Variants in MGAT2 observed in about 807,000 individuals in gnomAD.
MGAT2 encodes alpha-1,6-mannosyl-glycoprotein 2-beta-N-acetylglucosaminyltransferase.
A neutral mutation model predicts 33.8 loss-of-function variants in MGAT2; 17 were observed. The observed-to-expected ratio is 0.50, with a 90% CI of 0.34 to 0.76. The LOEUF (loss-of-function observed/expected upper bound fraction) is 0.76, where lower values mean the gene tolerates loss of function less well. Ranked by LOEUF, MGAT2 falls within the 30% of genes least tolerant of loss-of-function variation. The pLI is 0.01. For synonymous variants in MGAT2, 248 were observed against 226.7 expected (o/e 1.09, Z -0.84); for missense variants, 529 against 553.9 (o/e 0.96, Z 0.45).
In MGAT2 at chr14:49,622,690, T is replaced by G. The variant is rs1364030113; in HGVS notation, c.*78T>G. 6.9e-7 allele frequency: 1 copy of G among 1,453,958 alleles called. No homozygotes were observed. The highest frequency in any genetic ancestry group is 9.2e-7 in the Non-Finnish European group (1 of 1,086,308). The allele number at this position is 1,453,958 out of a possible 1,614,324, so 90.1% of individuals were successfully genotyped here. A position where few individuals can be genotyped will look rare whatever the true frequency, so the allele number is the denominator to read the frequency against. ...GGACATACAATTGAATAAAAGAGTT[T>G]AGGAACTGGTTTCTGCTTTAATACA... On this transcript the variant is annotated 3_prime_UTR_variant, in exon 1 of 1. Coordinates refer to ENST00000305386, the MANE Select transcript of MGAT2 (RefSeq NM_002408.4).
In MGAT2 at chr14:49,621,400, C is replaced by A. The variant is rs757887234; in HGVS notation, c.132C>A (p.Ala44=). 6.2e-7 allele frequency: 1 copy of A among 1,608,806 alleles called. No homozygotes were observed. Among genetic ancestry groups the A allele is most frequent in the Non-Finnish European group, 8.5e-7 (1 of 1,177,226 alleles). Residue 44 remains alanine (A), a synonymous_variant, in exon 1 of 1, where the codon GCC becomes GCA. Transcript: ENST00000305386. This position sits in a 1 kb window ranked among gnomAD's most constrained non-coding sequence, Gnocchi z 4.6. ...NEALAPPLLD[A]EPARGAGGRG... ...CCCTCGCCCCACCGTTGCTGGACGC[C>A]GAACCCGCGCGGGGTGCCGGCGGCC...
Position 49,623,248 on chromosome 14 carries a change from A to T in MGAT2, c.*636A>T, listed in dbSNP as rs2139568192. On this transcript the variant is annotated 3_prime_UTR_variant, in exon 1 of 1. Coordinates refer to ENST00000305386, the MANE Select transcript of MGAT2 (RefSeq NM_002408.4). ...AAAGTTTAAACATTGTTTTCACCTC[A>T]ATGTAGAAATACAGTGGTTTTGTTT... The T allele has an allele frequency of 6.0e-6, 1 of 166,612 alleles. No homozygotes were observed. The highest frequency in any genetic ancestry group is 1.9e-4 in the East Asian group (1 of 5,194). The allele number at this position is 166,612 out of a possible 1,614,324, so 10.3% of individuals were successfully genotyped here.
In MGAT2 at chr14:49,621,110, A is replaced by G; in HGVS notation, c.-159A>G. On this transcript the variant is annotated 5_prime_UTR_variant, in exon 1 of 1. Transcript: ENST00000305386. This position sits in a 1 kb window ranked among gnomAD's most constrained non-coding sequence, Gnocchi z 4.6. ...GGGTAAATGAGAGGTCTCGGGCCCC[A>G]GGACCCCCGGGGCCCGGGATGAGTT... The G allele has an allele frequency of 9.3e-7, 1 of 1,074,202 alleles. No individual in the cohort carries two copies. Among genetic ancestry groups the G allele is most frequent in the Non-Finnish European group, 1.4e-6 (1 of 730,520 alleles). The allele number at this position is 1,074,202 out of a possible 1,614,324, so 66.5% of individuals were successfully genotyped here.
chr14:49,622,092 T>C lies in MGAT2; in HGVS notation c.824T>C (p.Met275Thr), dbSNP rs1434819081. 6.2e-7 allele frequency: 1 copy of C among 1,614,074 alleles called. No homozygotes were observed. Among genetic ancestry groups the C allele is most frequent in the Non-Finnish European group, 8.5e-7 (1 of 1,180,044 alleles). The change falls in exon 1 of 1, where the codon ATG becomes ACG. Residue 275 changes from methionine (M) to threonine (T), a missense_variant. Physicochemically the swap from Met to Thr is moderately conservative, Grantham distance 81. Around this residue, in one of 2 missense-constraint regions of MGAT2, gnomAD observed 501 missense variants for 501.1 expected, o/e 1.00. Coordinates refer to ENST00000305386, the MANE Select transcript of MGAT2 (RefSeq NM_002408.4). ...GACTTTTACCATGTCTTCAAAAAGA[T>C]GTGGAAACTGAAGCAGCAAGAGTGC... ...APDFYHVFKK[M>T]WKLKQQECPE...
rs1396307394 is a variant in MGAT2, at chr14:49,621,060, G to A, written c.-209G>A. On this transcript the variant is annotated 5_prime_UTR_variant, in exon 1 of 1. Coordinates refer to ENST00000305386, the MANE Select transcript of MGAT2 (RefSeq NM_002408.4). This position sits in a 1 kb window ranked among gnomAD's most constrained non-coding sequence, Gnocchi z 4.6. ...TGCTCGAGCTGTAGCTGCCAGGCGA[G>A]GATGTGTGGAGCGCAGGCGGCGCGG... The A allele has an allele frequency of 1.3e-6, 1 of 747,404 alleles. No homozygotes were observed. The highest frequency in any genetic ancestry group is 2.3e-6 in the Non-Finnish European group (1 of 426,950). The allele number at this position is 747,404 out of a possible 1,614,324, so 46.3% of individuals were successfully genotyped here.
rs760966736 is a variant in MGAT2, at chr14:49,622,221, AT to A, written c.954del (p.Asn318LysfsTer4). 1 of 1,614,192 alleles carries A rather than the reference AT, an allele frequency of 6.2e-7. No homozygotes were observed. Among genetic ancestry groups the A allele is most frequent in the Non-Finnish European group, 8.5e-7 (1 of 1,180,042 alleles). On this transcript the variant is annotated frameshift_variant, in exon 1 of 1. Coordinates refer to ENST00000305386, the MANE Select transcript of MGAT2 (RefSeq NM_002408.4). LOFTEE classifies it high-confidence loss of function. ...AAAACTTGGAAATCCACAGAGCACAATATGGGTCTAGCCTTGACCCGGAATG... is the reference window on the plus strand; with the variant it reads ...AAAACTTGGAAATCCACAGAGCACAAATGGGTCTAGCCTTGACCCGGAATG... ...DVKTWKSTEH[N>X]MGLALTRNAY...
rs1882892778 is a variant in MGAT2 at position 49,622,768 on chromosome 14, T to C, written c.*156T>C. On this transcript the variant is annotated 3_prime_UTR_variant, in exon 1 of 1. Coordinates refer to ENST00000305386, the MANE Select transcript of MGAT2 (RefSeq NM_002408.4). ...AATACATAGTAATCTTTTCCAGTTA[T>C]GTCTGATTAAGATTTAAAACTGAAG... 1.3e-5 allele frequency: 9 copies of C among 677,650 alleles called. No homozygotes were observed. The highest frequency in any genetic ancestry group is 1.8e-5 in the African/African-American group (1 of 54,498). 42.0% of individuals were successfully genotyped at this position (677,650 alleles called of 1,614,324 possible).
At position 49,621,814 on chromosome 14, in the gene MGAT2, G is replaced by C. The variant is rs780633686; in HGVS notation, c.546G>C (p.Gln182His). 6.8e-6 allele frequency: 11 copies of C among 1,614,040 alleles called. No individual in the cohort carries two copies. The highest frequency in any genetic ancestry group is 9.3e-6 in the Non-Finnish European group (11 of 1,180,048). The change falls in exon 1 of 1, where the codon CAG becomes CAC. Residue 182 changes from glutamine (Q) to histidine (H), a missense_variant. Gln to His is a conservative substitution (Grantham distance 24). Transcript: ENST00000305386. The surrounding 1 kb of genome is among the most constrained non-coding windows in gnomAD (Gnocchi z 4.6). ...AGGTGTTCTTTCCTTTCAGCATTCA[G>C]TTGTACCCTAACGAGTTTCCAGGTA... is the stretch of plus-strand genomic sequence containing the variant. ...VLQVFFPFSI[Q>H]LYPNEFPGSD...
rs370159190 is a variant in MGAT2, at chr14:49,621,651, C to T, written c.383C>T (p.Pro128Leu). ...LVLVVQVHNR[P>L]EYLRLLLDSL... ...CTGGTGGTCCAGGTGCATAACCGGC[C>T]CGAATACCTCAGACTGCTGCTGGAC... is the stretch of plus-strand genomic sequence containing the variant. The change falls in exon 1 of 1, where the codon CCC becomes CTC. Residue 128 changes from proline to leucine, a missense_variant. Pro to Leu is a moderately conservative substitution (Grantham distance 98). Transcript: ENST00000305386. The surrounding 1 kb of genome is among the most constrained non-coding windows in gnomAD (Gnocchi z 4.6). The T allele has an allele frequency of 6.2e-7, 1 of 1,614,166 alleles. No homozygotes were observed. Among genetic ancestry groups the T allele is most frequent in the Non-Finnish European group, 8.5e-7 (1 of 1,180,016 alleles).
Position 49,623,258 on chromosome 14 carries a change from TAC to T in MGAT2, c.*648_*649del, listed in dbSNP as rs1417213782. The T allele has an allele frequency of 1.2e-5, 2 of 166,728 alleles. No individual in the cohort carries two copies. The highest frequency in any genetic ancestry group is 2.1e-4 in the South Asian group (1 of 4,838). The allele number at this position is 166,728 out of a possible 1,614,324, so 10.3% of individuals were successfully genotyped here. On this transcript the variant is annotated 3_prime_UTR_variant, in exon 1 of 1. Coordinates refer to ENST00000305386, the MANE Select transcript of MGAT2 (RefSeq NM_002408.4). ...CATTGTTTTCACCTCAATGTAGAAA[TAC>T]AGTGGTTTTGTTTTTTTTTTTCTTT...
At position 49,622,346 on chromosome 14, in the gene MGAT2, A is replaced by G. The variant is rs200321871; in HGVS notation, c.1078A>G (p.Lys360Glu). 6.2e-7 allele frequency: 1 copy of G among 1,614,162 alleles called. No homozygotes were observed. The highest frequency in any genetic ancestry group is 8.5e-7 in the Non-Finnish European group (1 of 1,180,036). Residue 360 changes from lysine to glutamate, a missense_variant, in exon 1 of 1, where the codon AAA (lysine) becomes GAA (glutamate). Lys to Glu is a moderately conservative substitution (Grantham distance 56, BLOSUM62 1). This residue lies in a region of MGAT2 where 501 missense variants were observed against 501.1 expected (regional missense o/e 1.00). Coordinates refer to ENST00000305386, the MANE Select transcript of MGAT2 (RefSeq NM_002408.4). ...ATACTTGACTGTATCTTGTCTTCCA[A>G]AATTCTGGAAAGTGCTGGTTCCTCA... ...LQYLTVSCLP[K>E]FWKVLVPQIP...
rs762760581 is a variant in MGAT2, at chr14:49,620,844, C to G, written c.-425C>G. 1.3e-5 allele frequency: 8 copies of G among 635,552 alleles called. No individual in the cohort carries two copies. The highest frequency in any genetic ancestry group is 2.0e-5 in the Non-Finnish European group (7 of 354,528). 39.4% of individuals were successfully genotyped at this position (635,552 alleles called of 1,614,324 possible). A position where few individuals can be genotyped will look rare whatever the true frequency, so the allele number is the denominator to read the frequency against. On this transcript the variant is annotated 5_prime_UTR_variant, in exon 1 of 1. Transcript: ENST00000305386. Reference sequence around the variant, plus strand: ...CGGTCCCCGCCGGAGTGAGGCGAGGCCGCGTCGCTCAGTTCTGGCCGTCTA... The same window carrying G: ...CGGTCCCCGCCGGAGTGAGGCGAGGGCGCGTCGCTCAGTTCTGGCCGTCTA...
In MGAT2 at chr14:49,620,998, G is replaced by A. The variant is rs1411353767; in HGVS notation, c.-271G>A. 11 of 703,342 alleles carry A rather than the reference G, an allele frequency of 1.6e-5. No homozygotes were observed. The highest frequency in any genetic ancestry group is 1.4e-4 in the Admixed American group (7 of 49,994). 43.6% of individuals were successfully genotyped at this position (703,342 alleles called of 1,614,324 possible). On this transcript the variant is annotated 5_prime_UTR_variant, in exon 1 of 1. Transcript: ENST00000305386. ...CGTGGTGCTGAATGGAGAGGACGGA[G>A]ACGAAGCCGAGCCGCGGCTCCTAGC...
rs200461712 is a variant in MGAT2, at chr14:49,622,433, T to A, written c.1165T>A (p.Ser389Thr). 6 of 1,614,014 alleles carry A rather than the reference T, an allele frequency of 3.7e-6. No individual in the cohort carries two copies. The highest frequency in any genetic ancestry group is 5.1e-6 in the Non-Finnish European group (6 of 1,179,978). Residue 389 changes from serine to threonine, a missense_variant, in exon 1 of 1, where the codon TCC becomes ACC. Physicochemically the swap from Ser to Thr is moderately conservative, Grantham distance 58. Transcript: ENST00000305386. ...GCATCACAAGAAAACCTGTAGACCATCCACTCAGAGTGCCCAAATTGAGTC... is the reference window on the plus strand; with the variant it reads ...GCATCACAAGAAAACCTGTAGACCAACCACTCAGAGTGCCCAAATTGAGTC... Reference protein sequence around the residue: ...GMHHKKTCRPSTQSAQIESLL... With the variant: ...GMHHKKTCRPTTQSAQIESLL...
chr14:49,622,065 CAG>C lies in MGAT2; in HGVS notation c.799_800del (p.Asp267LeufsTer18), dbSNP rs772743172. On this transcript the variant is annotated frameshift_variant, in exon 1 of 1. Transcript: ENST00000305386. LOFTEE classifies it high-confidence loss of function. ...CTAGAAGAGGATCACTACTTAGCCC[CAG>C]ACTTTTACCATGTCTTCAAAAAGAT... The C allele has an allele frequency of 1.2e-6, 2 of 1,614,176 alleles. No individual in the cohort carries two copies. Among genetic ancestry groups the C allele is most frequent in the Non-Finnish European group, 1.7e-6 (2 of 1,180,032 alleles).
At position 49,621,704 on chromosome 14, in the gene MGAT2, A is replaced by G. The variant is rs756335200; in HGVS notation, c.436A>G (p.Asn146Asp). The change falls in exon 1 of 1, where the codon AAC (asparagine) becomes GAC (aspartate). Residue 146 changes from asparagine (N) to aspartate (D), a missense_variant. Transcript: ENST00000305386. This position sits in a 1 kb window ranked among gnomAD's most constrained non-coding sequence, Gnocchi z 4.6. ...DSLRKAQGID[N>D]VLVIFSHDFW... The stretch of plus-strand genomic sequence containing the variant: ...ACTTCGAAAAGCCCAGGGAATTGAC[A>G]ACGTCCTCGTCATCTTTAGCCATGA... The G allele has an allele frequency of 5.0e-6, 8 of 1,614,096 alleles. No homozygotes were observed. In the African/African-American group the frequency reaches 9.3e-5, roughly 19 times the overall value.
At position 49,622,663 on chromosome 14, in the gene MGAT2, C is replaced by G. The variant is rs755929262; in HGVS notation, c.*51C>G. The G allele has an allele frequency of 1.3e-6, 2 of 1,550,692 alleles. No individual in the cohort carries two copies. The highest frequency in any genetic ancestry group is 1.7e-6 in the Non-Finnish European group (2 of 1,151,870). On this transcript the variant is annotated 3_prime_UTR_variant, in exon 1 of 1. Coordinates refer to ENST00000305386, the MANE Select transcript of MGAT2 (RefSeq NM_002408.4). ...CTTCTATTTTTGATATTTGTCCAAA[C>G]AGGACATACAATTGAATAAAAGAGT...
Position 49,622,026 on chromosome 14 carries a change from G to C in MGAT2, c.758G>C (p.Gly253Ala). 6.2e-7 allele frequency: 1 copy of C among 1,613,862 alleles called. No individual in the cohort carries two copies. The highest frequency in any genetic ancestry group is 1.1e-5 in the South Asian group (1 of 91,058). Reference sequence around the variant, plus strand: ...GTGAAAATTCTTCGAGATTATGCTGGCCTTATACTTTTCCTAGAAGAGGAT... The same window carrying C: ...GTGAAAATTCTTCGAGATTATGCTGCCCTTATACTTTTCCTAGAAGAGGAT... ...ERVKILRDYA[G>A]LILFLEEDHY... The change falls in exon 1 of 1, where the codon GGC becomes GCC. Residue 253 changes from glycine to alanine, a missense_variant. Gly to Ala is a moderately conservative substitution (Grantham distance 60, BLOSUM62 0). Transcript: ENST00000305386.
Position 49,622,145 on chromosome 14 carries a change from A to T in MGAT2, c.877A>T (p.Thr293Ser). Residue 293 changes from threonine to serine, a missense_variant, in exon 1 of 1, where the codon ACC becomes TCC. Coordinates refer to ENST00000305386, the MANE Select transcript of MGAT2 (RefSeq NM_002408.4). Reference sequence around the variant, plus strand: ...TGAATGTGATGTTCTCTCCCTGGGGACCTATAGTGCCAGTCGCAGTTTCTA... The same window carrying T: ...TGAATGTGATGTTCTCTCCCTGGGGTCCTATAGTGCCAGTCGCAGTTTCTA... ...CPECDVLSLG[T>S]YSASRSFYGM... 1 of 1,614,190 alleles carries T rather than the reference A, an allele frequency of 6.2e-7. No individual in the cohort carries two copies. Among genetic ancestry groups the T allele is most frequent in the Non-Finnish European group, 8.5e-7 (1 of 1,180,040 alleles).
Sources: allele counts gnomAD v4.1 joint callset, GRCh38; gene constraint gnomAD v4.1.1; regional missense constraint gnomAD v4.1.1; non-coding constraint Gnocchi (gnomAD v3.1); transcripts MANE v1.5; gene names NCBI Gene and HGNC (gene_info 2026-07-23, HGNC 2026-07-21).